NINL: variants seen among roughly 807,000 people sequenced by gnomAD.
NINL encodes ninein-like protein.
Under a neutral mutation model 160.3 loss-of-function variants are expected in NINL, and 153 were observed. That is an observed-to-expected ratio of 0.95 (90% CI 0.84 to 1.09). The LOEUF is 1.09. Ranked by LOEUF, NINL falls within the 50% of genes least tolerant of loss-of-function variation. The pLI is 0.00. For synonymous variants in NINL, 800 were observed against 734.8 expected (o/e 1.09, Z -1.43); for missense variants, 1,829 against 1,764.0 (o/e 1.04, Z -0.66).
chr20:25,457,467 C>T (rs1227788031), intron 22 of NINL, among the ~76,000 whole-genome samples: 7 of 152,366 alleles, frequency 4.6e-5, no homozygotes, highest in South Asian at 2.1e-4. Flanking sequence ...AACTCCAAAG[C>T]GAGCTTCCCT....
chr20:25,504,431 G>C (rs748664026), intron 6 of NINL, among the ~76,000 whole-genome samples: 4 of 152,212 alleles, frequency 2.6e-5, no homozygotes, highest in Admixed American at 6.5e-5. Flanking sequence ...CCTGCAGTGT[G>C]AGGCCCAGCA....
At chr20:25,495,598 C>T (rs1459131959) in intron 10 of NINL, among the ~76,000 whole-genome samples, 1 of 152,180 alleles carries the variant, frequency 6.6e-6, no homozygotes, top group Non-Finnish European at 1.5e-5. Flanking sequence ...GGAGGCCAGC[C>T]ATGTCTTGCT....
At chr20:25,466,659 G>A (rs189975922) in intron 19 of NINL, among the ~76,000 whole-genome samples, 141 of 151,978 alleles carry the variant, frequency 9.3e-4, no homozygotes, top group African/African-American at 3.0e-3. Context: ...AATTAGCCAC[G>A]CATGGTGGTA....
chr20:25,453,333 G>T lies in NINL; in HGVS notation c.*118C>A. ...ATTAACTATCTGCGGGGTGAACAAAGAATCCCAATCCTCAGATGTCCCAGG... is the reference window on the plus strand; with the variant it reads ...ATTAACTATCTGCGGGGTGAACAAATAATCCCAATCCTCAGATGTCCCAGG... On this transcript the variant is annotated 3_prime_UTR_variant, in exon 24 of 24. Transcript: ENST00000278886. The T allele has an allele frequency of 1.1e-6, 1 of 883,540 alleles. No homozygotes were observed. The highest frequency in any genetic ancestry group is 2.7e-5 in the East Asian group (1 of 37,658). The allele number at this position is 883,540 out of a possible 1,614,324, so 54.7% of individuals were successfully genotyped here.
intron 1 of NINL, among the ~76,000 whole-genome samples, chr20:25,574,641 G>A (rs1279048953): frequency 6.6e-6 from 1 of 152,190 alleles, no homozygotes; most frequent in Admixed American, 6.5e-5. Flanking sequence ...GGGGCCATCG[G>A]TGGCTAAATA....
intron 22 of NINL, among the ~76,000 whole-genome samples, chr20:25,457,306 G>C (rs2090712084): frequency 6.6e-6 from 1 of 152,116 alleles, no homozygotes; most frequent in Non-Finnish European, 1.5e-5. Context: ...CCTGGCAACA[G>C]AGTCAGACTC....
intron 1 of NINL, among the ~76,000 whole-genome samples, chr20:25,552,860 G>A (rs1395177718): frequency 7.2e-5 from 11 of 152,242 alleles, no homozygotes; most frequent in Non-Finnish European, 1.3e-4. Flanking sequence ...GCCTATCTGC[G>A]AAGGTCAGTA....
chr20:25,477,901 G>A (rs1239503161), intron 16 of NINL, among the ~76,000 whole-genome samples: 1 of 152,020 alleles, frequency 6.6e-6, no homozygotes, highest in African/African-American at 2.4e-5. Flanking sequence ...CTGAAAGCCT[G>A]GGGAGGCACA....
intron 23 of NINL, among the ~76,000 whole-genome samples, chr20:25,454,180 G>A (rs746333124): frequency 1.2e-4 from 19 of 152,324 alleles, no homozygotes; most frequent in Middle Eastern, 3.4e-3. Flanking sequence ...GCTTTGTGCC[G>A]TGAAACAAGG....
intron 13 of NINL, chr20:25,488,973 A>C (rs1166035937): frequency 2.1e-6 from 1 of 474,660 alleles, no homozygotes; most frequent in Non-Finnish European, 3.8e-6. Flanking sequence ...ACGGACACGC[A>C]TGGCAGGTTT....
intron 13 of NINL, among the ~76,000 whole-genome samples, chr20:25,487,774 G>A (rs1173340694): frequency 6.6e-6 from 1 of 152,200 alleles, no homozygotes; most frequent in Admixed American, 6.5e-5. Flanking sequence ...CTTCTACACA[G>A]AATTTTCTTC....
chr20:25,547,808 A>C (rs1252000119), intron 1 of NINL, among the ~76,000 whole-genome samples: 1 of 152,118 alleles, frequency 6.6e-6, no homozygotes, highest in Non-Finnish European at 1.5e-5. Context: ...GCAGACTGGC[A>C]CTCTGTTGAT....
chr20:25,562,220 G>A lies in NINL; in HGVS notation c.-12+23235C>T, dbSNP rs533092751. 2.3e-5 allele frequency among the ~76,000 whole-genome samples: 3 copies of A among 133,066 alleles called. No homozygotes were observed. In the South Asian group the frequency reaches 7.6e-4, roughly 34 times the overall value. 87.3% of individuals were successfully genotyped at this position (133,066 alleles called of 152,430 possible). ...CAGCCGCCCCGTCCGGGAGGTGAGGGGCGCCTCTGCCCGGCCGCCCCTACT... is the reference window on the plus strand; with the variant it reads ...CAGCCGCCCCGTCCGGGAGGTGAGGAGCGCCTCTGCCCGGCCGCCCCTACT... On this transcript the variant is annotated intron_variant, in intron 1 of 23. Coordinates refer to ENST00000278886, the MANE Select transcript of NINL (RefSeq NM_025176.6).
At chr20:25,467,527 C>A in intron 18 of NINL, 69 bp from the exon 19 acceptor site, 1 of 1,229,560 alleles carries the variant, frequency 8.1e-7, no homozygotes, top group Non-Finnish European at 1.2e-6. Flanking sequence ...CTGGTCAGCA[C>A]CCAGGGTAAG....
chr20:25,479,236 C>A, intron 15 of NINL, 30 bp from the exon 16 acceptor site: 2 of 1,573,514 alleles, frequency 1.3e-6, no homozygotes, highest in Non-Finnish European at 1.7e-6. Flanking sequence ...CCCCGTGGAC[C>A]AGGAGACCCT....
intron 10 of NINL, among the ~76,000 whole-genome samples, chr20:25,494,188 A>T (rs1245259502): frequency 7.0e-6 from 1 of 142,602 alleles, no homozygotes; most frequent in Admixed American, 7.0e-5. Context: ...CCCCACGCAC[A>T]CTCAGCAACC....
In NINL at chr20:25,550,757, C is replaced by T. The variant is rs566171064; in HGVS notation, c.-11-24159G>A. ...GCATGTCTCACCTCCAGCCATAAGG[C>T]GGTTTTTTCCTATCTCAGTAAATAG... On this transcript the variant is annotated intron_variant, in intron 1 of 23. Transcript: ENST00000278886. Among the ~76,000 whole-genome samples, 5 of 152,278 alleles carry T rather than the reference C, an allele frequency of 3.3e-5. No individual in the cohort carries two copies. In the East Asian group the frequency reaches 5.8e-4, roughly 18 times the overall value.
chr20:25,579,816 A>G (rs1004120873), intron 1 of NINL, among the ~76,000 whole-genome samples: 10 of 152,192 alleles, frequency 6.6e-5, no homozygotes, highest in Admixed American at 5.2e-4. Flanking sequence ...GTCTTCGGTG[A>G]ACTCCCTGTT....
chr20:25,563,183 C>T (rs951901908), intron 1 of NINL, among the ~76,000 whole-genome samples: 1 of 152,098 alleles, frequency 6.6e-6, no homozygotes, highest in Non-Finnish European at 1.5e-5. Flanking sequence ...CTAAGAGCTA[C>T]ATAAATAGAC....
Sources: allele counts gnomAD v4.1 joint callset (sites outside exome capture counted in the v4.1 genomes callset), GRCh38; gene constraint gnomAD v4.1.1; transcripts MANE v1.5; gene names NCBI Gene and HGNC (gene_info 2026-07-23, HGNC 2026-07-21).